TNRC6B: variants seen among roughly 807,000 people sequenced by gnomAD.
TNRC6B encodes the protein trinucleotide repeat containing adaptor 6B, also known as trinucleotide repeat-containing gene 6B protein.
In TNRC6B, 52 loss-of-function variants were observed where a neutral mutation model predicts 203.6. The observed-to-expected ratio is 0.26, with a 90% CI of 0.20 to 0.32. TNRC6B has a LOEUF of 0.32. TNRC6B is among the 10% of genes least tolerant of loss of function. The pLI is 1.00. For synonymous variants in TNRC6B, 838 were observed against 845.7 expected (o/e 0.99, Z 0.16); for missense variants, 1,923 against 2,286.2 (o/e 0.84, Z 3.24).
chr22:40,066,272 A>T (rs1266183762), intron 1 of TNRC6B, among the ~76,000 whole-genome samples: 3 of 152,010 alleles, frequency 2.0e-5, no homozygotes, highest in Non-Finnish European at 2.9e-5. Flanking sequence ...TATCTTAAAA[A>T]CTGTTTTATA....
chr22:40,082,219 A>G (rs1281164853), intron 1 of TNRC6B, among the ~76,000 whole-genome samples: 1 of 152,186 alleles, frequency 6.6e-6, no homozygotes, highest in Non-Finnish European at 1.5e-5. Flanking sequence ...AAAATGTTAT[A>G]TGCTATGAAG....
Position 40,266,743 on chromosome 22 carries a change from G to T in TNRC6B, c.2513G>T (p.Gly838Val). The change falls in exon 5 of 23, where the codon GGT becomes GTT. Residue 838 changes from glycine to valine, a missense_variant. Gly to Val is a moderately radical substitution (Grantham distance 109, BLOSUM62 -3). Around this residue, in one of 8 missense-constraint regions of TNRC6B, gnomAD observed 599 missense variants for 656.5 expected, o/e 0.91. Coordinates refer to ENST00000454349, the MANE Select transcript of TNRC6B (RefSeq NM_001162501.2). ...CCGCCACCACAACCAGAGGCTTCTG[G>T]TTCGTGGGGAGGCCCACCCCCACCA... ...QPPPPQPEAS[G>V]SWGGPPPPPP... is the part of the protein sequence containing the mutation. 6.2e-7 allele frequency: 1 copy of T among 1,613,904 alleles called. No homozygotes were observed.
At chr22:40,074,974 A>G (rs763270285) in intron 1 of TNRC6B, among the ~76,000 whole-genome samples, 28 of 151,520 alleles carry the variant, frequency 1.8e-4, no homozygotes, top group Non-Finnish European at 3.7e-4. Flanking sequence ...AAATACTGTT[A>G]CCATAAAACA....
At chr22:40,236,344 A>G (rs915436764) in intron 1 of TNRC6B, among the ~76,000 whole-genome samples, 11 of 152,218 alleles carry the variant, frequency 7.2e-5, no homozygotes, top group Admixed American at 2.0e-4. Context: ...TGGAATCTAC[A>G]GTATGACACT....
At chr22:40,297,343 C>T (rs576218105) in intron 12 of TNRC6B, among the ~76,000 whole-genome samples, 6 of 152,094 alleles carry the variant, frequency 3.9e-5, no homozygotes, top group Admixed American at 2.6e-4. Flanking sequence ...CATTCCCATC[C>T]GTGACGGGAT....
intron 1 of TNRC6B, among the ~76,000 whole-genome samples, chr22:40,079,896 T>C (rs112486442): frequency 0.044 from 6,691 of 152,122 alleles, 439 homozygotes; most frequent in African/African-American, 0.14. Context: ...CCCGGCTTCA[T>C]GCCATTCTCC....
intron 1 of TNRC6B, among the ~76,000 whole-genome samples, chr22:40,114,513 G>A (rs1266508507): frequency 6.6e-6 from 1 of 152,036 alleles, no homozygotes; most frequent in Non-Finnish European, 1.5e-5. Context: ...TGTAGAGATA[G>A]GGTCTTCCTG....
chr22:40,305,801 T>C lies in TNRC6B; in HGVS notation c.4121-2711T>C, dbSNP rs555682530. Reference sequence around the variant, plus strand: ...TCTCTAATGAGAAAAGTGCCCGCTTTCTCTAAGGTTCTTGCCTTTCCTTGC... The same window carrying C: ...TCTCTAATGAGAAAAGTGCCCGCTTCCTCTAAGGTTCTTGCCTTTCCTTGC... On this transcript the variant is annotated intron_variant, in intron 15 of 22. Coordinates refer to ENST00000454349, the MANE Select transcript of TNRC6B (RefSeq NM_001162501.2). Among the ~76,000 whole-genome samples, 3 of 152,304 alleles carry C rather than the reference T, an allele frequency of 2.0e-5. No homozygotes were observed. The South Asian group carries it at 6.2e-4, about 32-fold the overall frequency.
chr22:40,299,158 C>CAAAAAAAAAA (rs796432826), intron 12 of TNRC6B, among the ~76,000 whole-genome samples: 5 of 103,066 alleles, frequency 4.9e-5, no homozygotes, highest in Non-Finnish European at 1.0e-4. Context: ...AAAAAAAAAA[C>CAAAAAAAAAA]AAAAAAAAAA....
At chr22:40,181,291 C>T (rs1267112217) in intron 1 of TNRC6B, among the ~76,000 whole-genome samples, 1 of 152,170 alleles carries the variant, frequency 6.6e-6, no homozygotes, top group African/African-American at 2.4e-5. Flanking sequence ...TTCTGCAGAG[C>T]AGGCTGAGCA....
chr22:40,081,156 C>T (rs959878926), intron 1 of TNRC6B, among the ~76,000 whole-genome samples: 2 of 152,194 alleles, frequency 1.3e-5, no homozygotes, highest in Admixed American at 6.5e-5. Flanking sequence ...CCACCACGCT[C>T]AGCCCATGCA....
intron 3 of TNRC6B, among the ~76,000 whole-genome samples, chr22:40,251,655 G>T (rs918559375): frequency 6.6e-6 from 1 of 151,704 alleles, no homozygotes; most frequent in African/African-American, 2.4e-5. Context: ...GGAGGCAGAG[G>T]TTGCAGTGAG....
At chr22:40,211,165 T>G (rs1307794102) in intron 1 of TNRC6B, among the ~76,000 whole-genome samples, 1 of 152,058 alleles carries the variant, frequency 6.6e-6, no homozygotes, top group Non-Finnish European at 1.5e-5. Context: ...CAGGCTGGAG[T>G]GTAGTGGCAT....
chr22:40,305,324 T>C (rs186737979), intron 15 of TNRC6B, among the ~76,000 whole-genome samples: 2 of 152,352 alleles, frequency 1.3e-5, no homozygotes, highest in Admixed American at 1.3e-4. Context: ...ATGGCTTAAT[T>C]TGAGCTAAAG....
chr22:40,171,206 G>C (rs555632720), intron 4 of TNRC6B, among the ~76,000 whole-genome samples: 128 of 138,474 alleles, frequency 9.2e-4, no homozygotes, highest in African/African-American at 3.4e-3. Flanking sequence ...CTGTCACCCA[G>C]GCTGGAGTGC....
At chr22:40,149,520 A>AT (rs1223561706) in intron 3 of TNRC6B, among the ~76,000 whole-genome samples, 1 of 151,960 alleles carries the variant, frequency 6.6e-6, no homozygotes, top group Non-Finnish European at 1.5e-5. Context: ...TACAAAAAAA[A>AT]TTCGCCAGGC....
intron 1 of TNRC6B, among the ~76,000 whole-genome samples, chr22:40,181,347 C>A (rs888205568): frequency 6.6e-6 from 1 of 152,054 alleles, no homozygotes; most frequent in Non-Finnish European, 1.5e-5. Context: ...GTGGTCCTCA[C>A]CCTACCCAGC....
intron 4 of TNRC6B, among the ~76,000 whole-genome samples, chr22:40,158,383 T>TAAAC: frequency 7.1e-6 from 1 of 141,040 alleles, no homozygotes; most frequent in East Asian, 2.1e-4. Context: ...AATAAATAAA[T>TAAAC]AAATAAAGAG....
At chr22:40,227,356 A>AC (rs1244168784) in intron 1 of TNRC6B, among the ~76,000 whole-genome samples, 2 of 101,072 alleles carry the variant, frequency 2.0e-5, no homozygotes, top group Admixed American at 1.1e-4. Context: ...GCCTGAAATT[A>AC]CCTTTTTTTT....
Sources: allele counts gnomAD v4.1 joint callset (sites outside exome capture counted in the v4.1 genomes callset), GRCh38; gene constraint gnomAD v4.1.1; regional missense constraint gnomAD v4.1.1; transcripts MANE v1.5; gene names NCBI Gene and HGNC (gene_info 2026-07-23, HGNC 2026-07-21).